Variants in HS6ST3 observed in about 807,000 individuals in gnomAD.
HS6ST3 encodes the protein heparan sulfate 6-O-sulfotransferase 3, also known as heparan-sulfate 6-O-sulfotransferase 3.
A neutral mutation model predicts 36.7 loss-of-function variants in HS6ST3; 12 were observed. The ratio of observed to expected loss-of-function variants is 0.33; its 90% CI spans 0.21 to 0.53. The LOEUF is 0.53. HS6ST3 is among the 20% of genes least tolerant of loss of function. The probability of loss-of-function intolerance (pLI) is 0.95; values close to 1 mark genes in which losing one functional copy is unlikely to be tolerated. For synonymous variants in HS6ST3, 240 were observed against 257.5 expected (o/e 0.93, Z 0.65); for missense variants, 584 against 640.9 (o/e 0.91, Z 0.96).
At chr13:96,159,569 G>GAAAT (rs2054126758) in intron 1 of HS6ST3, among the ~76,000 whole-genome samples, 1 of 152,140 alleles carries the variant, frequency 6.6e-6, no homozygotes. Flanking sequence ...GGAAGTACTT[G>GAAAT]AAATGACTGA....
At chr13:96,807,416 C>G (rs1194759186) in intron 1 of HS6ST3, among the ~76,000 whole-genome samples, 1 of 152,146 alleles carries the variant, frequency 6.6e-6, no homozygotes, top group Non-Finnish European at 1.5e-5. Context: ...GGTGTGCCCC[C>G]TACTCCAGTA....
At chr13:96,708,393 A>G (rs189157437) in intron 1 of HS6ST3, among the ~76,000 whole-genome samples, 2 of 152,334 alleles carry the variant, frequency 1.3e-5, no homozygotes, top group East Asian at 3.9e-4. Flanking sequence ...AGCATGTCCA[A>G]CTTGAGAATA....
intron 1 of HS6ST3, among the ~76,000 whole-genome samples, chr13:96,667,794 C>T (rs755341143): frequency 2.0e-4 from 30 of 152,270 alleles, no homozygotes; most frequent in Non-Finnish European, 1.8e-4. Flanking sequence ...TTAGACATTA[C>T]AGTGTCACAG....
At chr13:96,231,450 T>A (rs2054507751) in intron 1 of HS6ST3, among the ~76,000 whole-genome samples, 1 of 152,078 alleles carries the variant, frequency 6.6e-6, no homozygotes, top group Admixed American at 6.6e-5. Context: ...CTCAGGAAAC[T>A]TATAACTATG....
In HS6ST3 at chr13:96,733,448, AAAC is replaced by A. The variant is rs557663798; in HGVS notation, c.708-99039_708-99037del. ...TGTATCACATGTTACAGACTTCTAA[AAAC>A]AATGTTTAGCCATGTTCTCCAGTCA... On this transcript the variant is annotated intron_variant, in intron 1 of 1. Transcript: ENST00000376705. Among the ~76,000 whole-genome samples, 909 of 152,318 alleles carry A rather than the reference AAAC, an allele frequency of 6.0e-3. 4 individuals carry two copies. The highest frequency in any genetic ancestry group is 0.01 in the Non-Finnish European group (699 of 68,026).
chr13:96,529,024 A>G (rs1031909838), intron 1 of HS6ST3, among the ~76,000 whole-genome samples: 1 of 152,158 alleles, frequency 6.6e-6, no homozygotes, highest in African/African-American at 2.4e-5. Context: ...CCATTTATAA[A>G]CAAATTAGTA....
chr13:96,531,296 A>C (rs911594795), intron 1 of HS6ST3, among the ~76,000 whole-genome samples: 7 of 152,240 alleles, frequency 4.6e-5, no homozygotes, highest in Admixed American at 1.3e-4. Flanking sequence ...TATTTGTAAA[A>C]ACGAGAAGTT....
chr13:96,734,456 A>C (rs1444459838), intron 1 of HS6ST3, among the ~76,000 whole-genome samples: 1 of 152,240 alleles, frequency 6.6e-6, no homozygotes, highest in Non-Finnish European at 1.5e-5. Context: ...TCAAGAATGC[A>C]GTTCTTATAG....
intron 1 of HS6ST3, among the ~76,000 whole-genome samples, chr13:96,768,986 C>T (rs9300366): frequency 0.021 from 3,179 of 152,184 alleles, 119 homozygotes; most frequent in African/African-American, 0.071. Flanking sequence ...CTCTAACAAA[C>T]TCTGGGAGGA....
At chr13:96,535,576 A>AT (rs397741526) in intron 1 of HS6ST3, among the ~76,000 whole-genome samples, 1 of 151,018 alleles carries the variant, frequency 6.6e-6, no homozygotes, top group Non-Finnish European at 1.5e-5. Flanking sequence ...AAAAAAAAAA[A>AT]TTGGAGAATC....
intron 1 of HS6ST3, among the ~76,000 whole-genome samples, chr13:96,338,923 C>T (rs1415634641): frequency 2.0e-5 from 3 of 152,038 alleles, no homozygotes; most frequent in Non-Finnish European, 4.4e-5. Flanking sequence ...CTTGAACAGT[C>T]GAGGGTAGGA....
chr13:96,248,286 GT>G (rs1002694503), intron 1 of HS6ST3, among the ~76,000 whole-genome samples: 2 of 152,120 alleles, frequency 1.3e-5, no homozygotes, highest in Non-Finnish European at 2.9e-5. Flanking sequence ...GGCTCAGGTT[GT>G]TTTAAAGTGT....
chr13:96,155,608 T>C (rs958638344), intron 1 of HS6ST3, among the ~76,000 whole-genome samples: 2 of 152,102 alleles, frequency 1.3e-5, no homozygotes, highest in Non-Finnish European at 2.9e-5. Flanking sequence ...TAAAAAAGGC[T>C]AAGAATGGCA....
chr13:96,227,258 A>T (rs2054485136), intron 1 of HS6ST3, among the ~76,000 whole-genome samples: 1 of 152,218 alleles, frequency 6.6e-6, no homozygotes. Context: ...ACTTAACAGC[A>T]CTTGTTGAGA....
intron 1 of HS6ST3, among the ~76,000 whole-genome samples, chr13:96,737,574 G>A (rs1876317449): frequency 7.1e-6 from 1 of 140,406 alleles, no homozygotes; most frequent in Non-Finnish European, 1.5e-5. Flanking sequence ...GCAGTGAGCC[G>A]AGATTGCGCC....
chr13:96,168,235 C>T (rs890092922), intron 1 of HS6ST3, among the ~76,000 whole-genome samples: 3 of 152,088 alleles, frequency 2.0e-5, no homozygotes, highest in Non-Finnish European at 4.4e-5. Context: ...GGCTATGGAG[C>T]CAGCAGTTTT....
At chr13:96,646,623 G>T (rs1025930242) in intron 1 of HS6ST3, among the ~76,000 whole-genome samples, 47 of 151,958 alleles carry the variant, frequency 3.1e-4, no homozygotes, top group African/African-American at 1.1e-3. Flanking sequence ...TGCATGGTAG[G>T]TGGGAGCTGT....
chr13:96,124,515 T>C (rs541071513), intron 1 of HS6ST3, among the ~76,000 whole-genome samples: 2 of 152,348 alleles, frequency 1.3e-5, no homozygotes, highest in African/African-American at 4.8e-5. Context: ...TTATTCCCAT[T>C]CAGTAATGGA....
intron 1 of HS6ST3, among the ~76,000 whole-genome samples, chr13:96,539,068 G>C (rs564638664): frequency 6.6e-6 from 1 of 152,200 alleles, no homozygotes; most frequent in African/African-American, 2.4e-5. Flanking sequence ...GGGTTTCTCA[G>C]GGAAGTATTT....
Sources: allele counts gnomAD v4.1 joint callset (sites outside exome capture counted in the v4.1 genomes callset), GRCh38; gene constraint gnomAD v4.1.1; transcripts MANE v1.5; gene names NCBI Gene and HGNC (gene_info 2026-07-23, HGNC 2026-07-21).